The following VEZT variants were observed in gnomAD, a reference collection of about 807,000 sequenced individuals.
The protein encoded by VEZT is vezatin, adherens junctions transmembrane protein.
A neutral mutation model predicts 79.9 loss-of-function variants in VEZT; 39 were observed. The ratio of observed to expected loss-of-function variants is 0.49; its 90% confidence interval spans 0.38 to 0.64. The LOEUF (loss-of-function observed/expected upper bound fraction) is 0.64. VEZT is among the 30% of genes least tolerant of loss of function. VEZT has a pLI of 0.00. For missense variants in VEZT, 837 were observed against 893.1 expected, an observed-to-expected ratio of 0.94 and a Z score of 0.80; for synonymous variants, 325 against 327.6, an observed-to-expected ratio of 0.99 and a Z score of 0.09.
intron 1 of VEZT, among the ~76,000 whole-genome samples, chr12:95,230,574 C>CTTTTT (rs56104790): frequency 7.3e-6 from 1 of 137,144 alleles, no homozygotes; most frequent in Non-Finnish European, 1.6e-5. Flanking sequence ...GTTATCTCTC[C>CTTTTT]TTTTTTTTTT....
At chr12:95,220,722 C>G (rs914997736) in intron 1 of VEZT, among the ~76,000 whole-genome samples, 5 of 152,060 alleles carry the variant, frequency 3.3e-5, no homozygotes, top group Non-Finnish European at 7.4e-5. Flanking sequence ...CATAGTATTC[C>G]ATGTGAATAT....
At chr12:95,240,073 G>GAAGGA (rs1491323550) in intron 1 of VEZT, among the ~76,000 whole-genome samples, 2 of 98,992 alleles carry the variant, frequency 2.0e-5, no homozygotes, top group East Asian at 2.7e-4. Flanking sequence ...AGGAAGGAAG[G>GAAGGA]AAGAAAAGAA....
chr12:95,281,428 T>C (rs1458630182), intron 7 of VEZT, among the ~76,000 whole-genome samples: 1 of 152,148 alleles, frequency 6.6e-6, no homozygotes, highest in Non-Finnish European at 1.5e-5. Context: ...CAGTAAGCTA[T>C]GATAGTGCCA....
intron 6 of VEZT, among the ~76,000 whole-genome samples, chr12:95,273,979 T>C (rs1399154923): frequency 1.3e-5 from 2 of 152,166 alleles, no homozygotes; most frequent in Non-Finnish European, 2.9e-5. Context: ...AACCTAACAG[T>C]AGTCTATGTC....
rs1443146270 is a variant in VEZT at position 95,247,554 on chromosome 12, TAA to T, written c.37-4385_37-4384del. 1.4e-4 allele frequency among the ~76,000 whole-genome samples: 21 copies of T among 152,290 alleles called. No individual in the cohort carries two copies. The East Asian group carries it at 4.0e-3, about 29-fold the overall frequency. On this transcript the variant is annotated intron_variant, in intron 1 of 11. Coordinates refer to ENST00000436874, the MANE Select transcript of VEZT (RefSeq NM_017599.4). Reference sequence around the variant, plus strand: ...TTATTGCTATTTTCAAGTAAAATAATAAGTTTTTTTTAAATTTTAGTTTTGAG... The same window carrying T: ...TTATTGCTATTTTCAAGTAAAATAATGTTTTTTTTAAATTTTAGTTTTGAG...
At chr12:95,279,002 G>A (rs1347164071) in intron 7 of VEZT, among the ~76,000 whole-genome samples, 9 of 152,186 alleles carry the variant, frequency 5.9e-5, no homozygotes, top group African/African-American at 1.9e-4. Flanking sequence ...CCCAGGAGGC[G>A]GAAGTTGTGG....
At chr12:95,253,496 G>T (rs2062950439) in intron 2 of VEZT, among the ~76,000 whole-genome samples, 2 of 152,296 alleles carry the variant, frequency 1.3e-5, no homozygotes, top group East Asian at 1.9e-4. Flanking sequence ...TTTTAAGAGT[G>T]AATGTTCCTG....
intron 9 of VEZT, among the ~76,000 whole-genome samples, chr12:95,290,136 C>T (rs1484527804): frequency 6.6e-6 from 1 of 152,096 alleles, no homozygotes; most frequent in East Asian, 1.9e-4. Flanking sequence ...TATGTCTAGA[C>T]CTAGATTGTG....
At chr12:95,285,484 C>T (rs1008500036) in intron 8 of VEZT, among the ~76,000 whole-genome samples, 2 of 151,940 alleles carry the variant, frequency 1.3e-5, no homozygotes, top group Admixed American at 6.6e-5. Flanking sequence ...ACCTTCCTCA[C>T]CTTTTGTATA....
chr12:95,242,876 C>CA (rs367689756), intron 1 of VEZT, among the ~76,000 whole-genome samples: 13,110 of 64,010 alleles, frequency 0.2, 1,172 homozygotes, highest in African/African-American at 0.32. Flanking sequence ...TCCATCTCAC[C>CA]AAAAAAAAAA....
chr12:95,293,249 T>C (rs898238000), intron 9 of VEZT, among the ~76,000 whole-genome samples: 3 of 152,216 alleles, frequency 2.0e-5, no homozygotes, highest in African/African-American at 7.2e-5. Flanking sequence ...CTGTCTCTCA[T>C]TAGTGCTTCC....
chr12:95,282,331 G>A lies in VEZT; in HGVS notation c.1015G>A (p.Val339Met), dbSNP rs767150221. ...PALKVLFQLW[V>M]AQSSEFFRRL... is the part of the protein sequence containing the mutation. Reference sequence around the variant, plus strand: ...CTTTAAGGTTTTGTTCCAACTCTGGGTGGCACAGAGTTCAGAGTTCTTCAG... The same window carrying A: ...CTTTAAGGTTTTGTTCCAACTCTGGATGGCACAGAGTTCAGAGTTCTTCAG... The change falls in exon 8 of 12, where the codon GTG (valine) becomes ATG (methionine). Residue 339 changes from valine (V) to methionine (M), a missense_variant. Coordinates refer to ENST00000436874, the MANE Select transcript of VEZT (RefSeq NM_017599.4). The A allele has an allele frequency of 1.2e-6, 2 of 1,610,812 alleles. No individual in the cohort carries two copies. Among genetic ancestry groups the A allele is most frequent in the Non-Finnish European group, 1.7e-6 (2 of 1,178,844 alleles).
rs200796011 is a variant in VEZT, at chr12:95,287,824, G to A, written c.1489G>A (p.Asp497Asn). Residue 497 changes from aspartate to asparagine, a missense_variant, in exon 9 of 12, where the codon GAC (aspartate) becomes AAC (asparagine). Asp to Asn is a conservative substitution (Grantham distance 23, BLOSUM62 1). Transcript: ENST00000436874. ...NCWEEAISQV[D>N]KLLRRNTDKK... ...CTGGGAAGAGGCCATTTCTCAGGTC[G>A]ACAAACTGCTACGAAGAAATACAGA... The A allele has an allele frequency of 1.9e-6, 3 of 1,604,984 alleles. No homozygotes were observed. The highest frequency in any genetic ancestry group is 1.7e-5 in the Admixed American group (1 of 58,922).
intron 10 of VEZT, among the ~76,000 whole-genome samples, chr12:95,295,184 C>G (rs561878950): frequency 6.6e-6 from 1 of 151,990 alleles, no homozygotes; most frequent in Non-Finnish European, 1.5e-5. Context: ...TATATGAGAC[C>G]GAGTCTCACT....
chr12:95,225,878 C>T (rs2058404877), intron 1 of VEZT, among the ~76,000 whole-genome samples: 1 of 150,982 alleles, frequency 6.6e-6, no homozygotes, highest in South Asian at 2.1e-4. Flanking sequence ...TCACTTGAGG[C>T]CAGCAGTTTG....
At chr12:95,243,071 T>C (rs947977689) in intron 1 of VEZT, among the ~76,000 whole-genome samples, 4 of 152,030 alleles carry the variant, frequency 2.6e-5, no homozygotes, top group Non-Finnish European at 5.9e-5. Context: ...AGGGAGAGAA[T>C]ACTACAATGA....
intron 1 of VEZT, among the ~76,000 whole-genome samples, chr12:95,250,940 A>G (rs1359134955): frequency 6.6e-6 from 1 of 152,202 alleles, no homozygotes; most frequent in Admixed American, 6.5e-5. Flanking sequence ...GCTGATGCAC[A>G]AAAGGATTAT....
intron 11 of VEZT, chr12:95,299,381 A>G (rs1468392293): frequency 6.5e-6 from 1 of 152,952 alleles, no homozygotes; most frequent in Non-Finnish European, 1.5e-5. Flanking sequence ...AAGAGGGGCT[A>G]AATAAAACTG....
intron 1 of VEZT, among the ~76,000 whole-genome samples, chr12:95,238,814 C>T (rs1430141563): frequency 6.6e-6 from 1 of 152,148 alleles, no homozygotes; most frequent in Non-Finnish European, 1.5e-5. Context: ...TACTTAAACA[C>T]ATTTATTAAA....
Sources: gnomAD v4.1 joint callset for allele counts (sites outside exome capture counted in the v4.1 genomes callset) on GRCh38, gnomAD v4.1.1 for gene constraint, MANE v1.5 for transcripts, NCBI Gene and HGNC (gene_info 2026-07-23, HGNC 2026-07-21) for gene names.